The following CEP164 variants were observed in gnomAD, a reference collection of about 807,000 sequenced individuals.
The protein encoded by CEP164 is centrosomal protein 164.
A neutral mutation model predicts 182.7 loss-of-function variants in CEP164; 162 were observed. The observed-to-expected ratio is 0.89, with a 90% CI of 0.78 to 1.01. The LOEUF is 1.01. CEP164 is among the 50% of genes least tolerant of loss of function. The probability of loss-of-function intolerance (pLI) is 0.00; values close to 1 mark genes in which losing one functional copy is unlikely to be tolerated. For synonymous variants in CEP164, 661 were observed against 690.0 expected, an observed-to-expected ratio of 0.96 and a Z score of 0.66; for missense variants, 1,735 against 1,790.4, an observed-to-expected ratio of 0.97 and a Z score of 0.56.
upstream of CEP164, among the ~76,000 whole-genome samples, chr11:117,323,038 T>C (rs1011082931): frequency 1.3e-5 from 2 of 152,034 alleles, no homozygotes; most frequent in African/African-American, 4.8e-5. Flanking sequence ...AGTGCTAGGA[T>C]TACAGGTGTG....
At chr11:117,373,870 G>A in intron 10 of CEP164, 39 bp downstream of exon 10, 1 of 1,570,076 alleles carries the variant, frequency 6.4e-7, no homozygotes, top group Middle Eastern at 1.7e-4. Flanking sequence ...GTGGTGAAGA[G>A]CATAGATTTG....
upstream of CEP164, among the ~76,000 whole-genome samples, chr11:117,325,652 C>G (rs1003076874): frequency 6.6e-5 from 10 of 152,168 alleles, no homozygotes; most frequent in African/African-American, 2.4e-4. Context: ...TCCCAAAATG[C>G]TGGGATTACA....
chr11:117,330,153 G>A (rs1296601589), intron 1 of CEP164, among the ~76,000 whole-genome samples: 1 of 152,044 alleles, frequency 6.6e-6, no homozygotes, highest in East Asian at 1.9e-4. Flanking sequence ...CCTCTGTGAG[G>A]CTTTCCCTGA....
Position 117,409,650 on chromosome 11 carries a change from A to G in CEP164, c.3781A>G (p.Ile1261Val). Reference protein sequence around the residue: ...DSTPSLTSRKIHGLSHSLRQI... With the variant: ...DSTPSLTSRKVHGLSHSLRQI... ...AACCCCGAGTCTCACCTCCCGCAAG[A>G]TCCACGGGCTTAGCCACTCCCTCCG... is the stretch of plus-strand genomic sequence containing the variant. Residue 1261 changes from isoleucine to valine, a missense_variant, in exon 30 of 33, where the codon ATC (isoleucine) becomes GTC (valine). Physicochemically the swap from Ile to Val is conservative, Grantham distance 29. Transcript: ENST00000278935. This position sits in a 1 kb window ranked among gnomAD's most constrained non-coding sequence, Gnocchi z 4.4. The G allele has an allele frequency of 6.2e-7, 1 of 1,611,572 alleles. No individual in the cohort carries two copies. Among genetic ancestry groups the G allele is most frequent in the Non-Finnish European group, 8.5e-7 (1 of 1,178,010 alleles).
In CEP164 at chr11:117,342,360, G is replaced by A. The variant is rs975403429; in HGVS notation, c.83-1806G>A. ...ATGGCTCATTGGTGATGCCCTTCTG[G>A]CCTGGGCTATTACCAGCTTAAGCAT... On this transcript the variant is annotated intron_variant, in intron 3 of 32. Transcript: ENST00000278935. 2.6e-5 allele frequency among the ~76,000 whole-genome samples: 4 copies of A among 152,228 alleles called. No homozygotes were observed. The East Asian group carries it at 7.7e-4, about 29-fold the overall frequency.
chr11:117,387,190 C>T lies in CEP164; in HGVS notation c.1725-13C>T, dbSNP rs752215409. The T allele has an allele frequency of 1.9e-6, 3 of 1,612,896 alleles. No homozygotes were observed. Among genetic ancestry groups the T allele is most frequent in the Non-Finnish European group, 1.7e-6 (2 of 1,179,108 alleles). ...TAACCCTGTGATGATATGCCATTCC[C>T]CACCCATGGTAGGCGATCCACAGAG... is the stretch of plus-strand genomic sequence containing the variant. On this transcript the variant is annotated splice_polypyrimidine_tract_variant and intron_variant, in intron 14 of 32. Transcript: ENST00000278935.
intron 5 of CEP164, among the ~76,000 whole-genome samples, chr11:117,354,537 T>G (rs1219675582): frequency 6.6e-6 from 1 of 152,092 alleles, no homozygotes; most frequent in Non-Finnish European, 1.5e-5. Flanking sequence ...CTCTGTCACA[T>G]GCACAATATA....
rs893830065 is a variant in CEP164 at position 117,346,583 on chromosome 11, G to T, written c.194+2306G>T. 1.1e-4 allele frequency among the ~76,000 whole-genome samples: 17 copies of T among 150,076 alleles called. No homozygotes were observed. In the South Asian group the frequency reaches 3.8e-3, roughly 34 times the overall value. On this transcript the variant is annotated intron_variant, in intron 4 of 32. Coordinates refer to ENST00000278935, the MANE Select transcript of CEP164 (RefSeq NM_014956.5). ...ATTTTTCACTTTTTAAAATAAGTTG[G>T]CCAGGCATGGTGGCTCACACCTGTA...
In CEP164 at chr11:117,373,323, C is replaced by T. The variant is rs185376667; in HGVS notation, c.1153-428C>T. On this transcript the variant is annotated intron_variant, in intron 9 of 32. Transcript: ENST00000278935. ...TGGAGGCTGCAGTGAGTGGAGATGG[C>T]GCCACTCCAGCCTGGGGGACAGAGC... Among the ~76,000 whole-genome samples the T allele has an allele frequency of 2.4e-3, 369 of 151,100 alleles. 14 individuals are homozygous for T. In the South Asian group the frequency reaches 0.049, roughly 20 times the overall value.
chr11:117,401,920 C>T (rs970040167), intron 27 of CEP164, among the ~76,000 whole-genome samples: 1 of 152,056 alleles, frequency 6.6e-6, no homozygotes, highest in Admixed American at 6.6e-5. Context: ...TTCAAAGAAC[C>T]AGCTCCTGGA....
chr11:117,379,087 C>A (rs2043045612), intron 11 of CEP164, among the ~76,000 whole-genome samples: 1 of 152,124 alleles, frequency 6.6e-6, no homozygotes, highest in Non-Finnish European at 1.5e-5. Flanking sequence ...GTGAGTTGCA[C>A]CCTCGAAGGG....
At chr11:117,348,145 T>C (rs1344808918) in intron 4 of CEP164, among the ~76,000 whole-genome samples, 1 of 151,584 alleles carries the variant, frequency 6.6e-6, no homozygotes. Flanking sequence ...AATTTTTGTA[T>C]TTTTTTTGTA....
intron 25 of CEP164, 63 bp from the exon 26 acceptor site, chr11:117,396,487 C>G: frequency 7.2e-7 from 1 of 1,384,350 alleles, no homozygotes; most frequent in Non-Finnish European, 1.0e-6. Context: ...GCTTTGGGGT[C>G]TTGAACCTGC....
intron 5 of CEP164, among the ~76,000 whole-genome samples, chr11:117,361,162 T>A (rs2040910290): frequency 6.6e-6 from 1 of 150,996 alleles, no homozygotes; most frequent in African/African-American, 2.4e-5. Flanking sequence ...CTTGAACTCC[T>A]GATCTCAGGT....
intron 5 of CEP164, chr11:117,356,608 T>C: frequency 3.9e-6 from 5 of 1,285,434 alleles, no homozygotes; most frequent in Non-Finnish European, 5.1e-6. Context: ...AGATGCAGCA[T>C]CTCAACCAGG....
chr11:117,407,857 A>G, intron 27 of CEP164, 68 bp from the exon 28 acceptor site: 1 of 1,151,034 alleles, frequency 8.7e-7, no homozygotes, highest in African/African-American at 1.5e-5. Flanking sequence ...CAGTCAGCAA[A>G]TGGCAGGGTT....
intron 1 of CEP164, among the ~76,000 whole-genome samples, chr11:117,331,657 G>A (rs2134701712): frequency 6.6e-6 from 1 of 152,192 alleles, no homozygotes; most frequent in Middle Eastern, 3.4e-3. Flanking sequence ...TATGCCGCCT[G>A]TCACTGGAAG....
Position 117,335,606 on chromosome 11 carries a change from A to T in CEP164, c.-96A>T. 6.9e-6 allele frequency: 1 copy of T among 144,984 alleles called. No homozygotes were observed. The allele number at this position is 144,984 out of a possible 1,614,324, so 9.0% of individuals were successfully genotyped here. A position where few individuals can be genotyped will look rare whatever the true frequency, so the allele number is the denominator to read the frequency against. On this transcript the variant is annotated splice_region_variant and 5_prime_UTR_variant, in exon 2 of 33. Transcript: ENST00000278935. Reference sequence around the variant, plus strand: ...TTTTTTTTTTTTTTTTTCAACCAGGAGAAATAACTTTATTTGGACTGAGAG... The same window carrying T: ...TTTTTTTTTTTTTTTTTCAACCAGGTGAAATAACTTTATTTGGACTGAGAG...
In CEP164 at chr11:117,409,153, C is replaced by A; in HGVS notation, c.3748+125C>A. The stretch of plus-strand genomic sequence containing the variant: ...AGGCCTCTGTGAGCCGGTGTCTGGA[C>A]TAGGTGCTCGGTCAGTGCTGGGAAG... On this transcript the variant is annotated intron_variant, in intron 29 of 32. Transcript: ENST00000278935. This position sits in a 1 kb window ranked among gnomAD's most constrained non-coding sequence, Gnocchi z 4.4. 1 of 1,303,206 alleles carries A rather than the reference C, an allele frequency of 7.7e-7. No individual in the cohort carries two copies. The highest frequency in any genetic ancestry group is 1.1e-6 in the Non-Finnish European group (1 of 946,962). The allele number at this position is 1,303,206 out of a possible 1,614,324, so 80.7% of individuals were successfully genotyped here.
Sources: gnomAD v4.1 joint callset for allele counts (sites outside exome capture counted in the v4.1 genomes callset) on GRCh38, gnomAD v4.1.1 for gene constraint, Gnocchi (gnomAD v3.1) non-coding constraint, MANE v1.5 for transcripts, NCBI Gene and HGNC (gene_info 2026-07-23, HGNC 2026-07-21) for gene names.